MAP3K14: variants seen among roughly 807,000 people sequenced by gnomAD.
MAP3K14 encodes mitogen-activated protein kinase kinase kinase 14.
A neutral mutation model predicts 99.2 loss-of-function variants in MAP3K14; 16 were observed. The observed-to-expected ratio is 0.16, with a 90% CI of 0.11 to 0.24. The LOEUF (loss-of-function observed/expected upper bound fraction) is 0.24, where lower values mean the gene tolerates loss of function less well. Among genes scored for constraint, MAP3K14 ranks in the 10% least tolerant of loss-of-function variants. The pLI, the probability that MAP3K14 is intolerant of heterozygous loss-of-function variation, is 1.00. For missense variants in MAP3K14, 784 were observed against 1,208.7 expected (o/e 0.65, Z 5.21); for synonymous variants, 462 against 492.4 (o/e 0.94, Z 0.82).
intron 6 of MAP3K14, among the ~76,000 whole-genome samples, chr17:45,282,417 T>A (rs1215212119): frequency 6.6e-6 from 1 of 151,008 alleles, no homozygotes; most frequent in African/African-American, 2.4e-5. Context: ...TAGCTGGGTG[T>A]GGTGGTGCGT....
In MAP3K14 at chr17:45,290,421, C is replaced by T. The variant is rs1029299731; in HGVS notation, c.256+69G>A. On this transcript the variant is annotated intron_variant, in intron 2 of 15. Coordinates refer to ENST00000344686, the MANE Select transcript of MAP3K14 (RefSeq NM_003954.5). ...AGACCTCTCTCCTCCATAGGGAACC[C>T]CTGGGCCCAGCTACCCACCTGCAGG... 4.4e-6 allele frequency: 7 copies of T among 1,587,390 alleles called. No individual in the cohort carries two copies. In the African/African-American group the frequency reaches 9.4e-5, roughly 21 times the overall value.
chr17:45,316,920 C>G (rs1358587831), intron 1 of MAP3K14, 40 bp downstream of exon 1: 1 of 152,056 alleles, frequency 6.6e-6, no homozygotes, highest in Non-Finnish European at 1.5e-5. Context: ...GCTCCCTGGT[C>G]GCCTCGCACC....
intron 3 of MAP3K14, among the ~76,000 whole-genome samples, chr17:45,288,410 A>T (rs1598256770): frequency 7.8e-6 from 1 of 128,024 alleles, no homozygotes. Flanking sequence ...ACAGAATCTT[A>T]CTCTGTCACC....
intron 6 of MAP3K14, among the ~76,000 whole-genome samples, chr17:45,279,876 C>T (rs563022558): frequency 2.0e-5 from 3 of 152,200 alleles, no homozygotes; most frequent in African/African-American, 4.8e-5. Context: ...TAGAGGGTCC[C>T]GCCTTATTTT....
At position 45,286,086 on chromosome 17, in the gene MAP3K14, G is replaced by A. The variant is rs2044262278; in HGVS notation, c.1152+345C>T. Among the ~76,000 whole-genome samples the A allele has an allele frequency of 6.6e-6, 1 of 151,590 alleles. No homozygotes were observed. Among genetic ancestry groups the A allele is most frequent in the Non-Finnish European group, 1.5e-5 (1 of 67,874 alleles). On this transcript the variant is annotated intron_variant, in intron 5 of 15. Transcript: ENST00000344686. The surrounding 1 kb of genome is among the most constrained non-coding windows in gnomAD (Gnocchi z 4.1). ...ACAAGAGGAAAAAGGGAAGGAGGTGGGTGGTGAAAACAGGTCCCATCCTCA... is the reference window on the plus strand; with the variant it reads ...ACAAGAGGAAAAAGGGAAGGAGGTGAGTGGTGAAAACAGGTCCCATCCTCA...
At chr17:45,283,303 G>C (rs1267223364) in intron 6 of MAP3K14, among the ~76,000 whole-genome samples, 1 of 152,218 alleles carries the variant, frequency 6.6e-6, no homozygotes, top group Non-Finnish European at 1.5e-5. Context: ...GGTCAGGCAC[G>C]TGGCCTTGGC....
At chr17:45,273,344 C>T (rs377241069) in intron 9 of MAP3K14, among the ~76,000 whole-genome samples, 159 bp downstream of exon 9, 4 of 152,204 alleles carry the variant, frequency 2.6e-5, no homozygotes, top group East Asian at 1.9e-4. Flanking sequence ...CACATTTACG[C>T]GTAACAAAGA....
At chr17:45,308,756 C>T (rs1210559073) in intron 1 of MAP3K14, among the ~76,000 whole-genome samples, 1 of 151,970 alleles carries the variant, frequency 6.6e-6, no homozygotes, top group African/African-American at 2.4e-5. Context: ...CAACCTCTGC[C>T]TCCCAGGTTC....
intron 6 of MAP3K14, among the ~76,000 whole-genome samples, chr17:45,283,026 G>A (rs1187336369): frequency 2.0e-5 from 3 of 152,232 alleles, no homozygotes; most frequent in Admixed American, 1.3e-4. Context: ...CATGCCTTGT[G>A]CTTGGAGCTT....
Position 45,263,636 on chromosome 17 carries a change from A to G in MAP3K14, c.*1000T>C, listed in dbSNP as rs2044038817. The G allele has an allele frequency of 6.5e-6, 1 of 152,760 alleles. No individual in the cohort carries two copies. Among genetic ancestry groups the G allele is most frequent in the Non-Finnish European group, 1.5e-5 (1 of 68,096 alleles). The allele number at this position is 152,760 out of a possible 1,614,324, so 9.5% of individuals were successfully genotyped here. On this transcript the variant is annotated 3_prime_UTR_variant, in exon 16 of 16. Transcript: ENST00000344686. The stretch of plus-strand genomic sequence containing the variant: ...CATCAGAGTGCAAAGTGCCGTCGGC[A>G]GTACCCTCTGGCCAGGGGCAGGGCA...
intron 7 of MAP3K14, 82 bp from the exon 8 acceptor site, chr17:45,274,336 T>C: frequency 2.5e-6 from 4 of 1,571,536 alleles, no homozygotes; most frequent in Non-Finnish European, 3.5e-6. Flanking sequence ...GGGCAGGCAG[T>C]GGAAAGCAGG....
At chr17:45,283,314 C>T (rs1192306974) in intron 6 of MAP3K14, among the ~76,000 whole-genome samples, 1 of 152,180 alleles carries the variant, frequency 6.6e-6, no homozygotes, top group Non-Finnish European at 1.5e-5. Flanking sequence ...TGGCCTTGGC[C>T]TCCCCCAGTG....
Position 45,264,406 on chromosome 17 carries a change from T to A in MAP3K14, c.*230A>T. Reference sequence around the variant, plus strand: ...AGGTAACTCCTGCCATCCTCCTCTGTCTCTTCACGTGGCGGAGTGTTTTCT... The same window carrying A: ...AGGTAACTCCTGCCATCCTCCTCTGACTCTTCACGTGGCGGAGTGTTTTCT... On this transcript the variant is annotated 3_prime_UTR_variant, in exon 16 of 16. Coordinates refer to ENST00000344686, the MANE Select transcript of MAP3K14 (RefSeq NM_003954.5). 1 of 534,584 alleles carries A rather than the reference T, an allele frequency of 1.9e-6. No individual in the cohort carries two copies. Among genetic ancestry groups the A allele is most frequent in the Non-Finnish European group, 3.3e-6 (1 of 300,792 alleles). 33.1% of individuals were successfully genotyped at this position (534,584 alleles called of 1,614,324 possible). A position where few individuals can be genotyped will look rare whatever the true frequency, so the allele number is the denominator to read the frequency against.
intron 14 of MAP3K14, among the ~76,000 whole-genome samples, chr17:45,265,533 G>T (rs1001327230): frequency 2.6e-5 from 4 of 152,210 alleles, no homozygotes; most frequent in African/African-American, 9.7e-5. Context: ...TACCTCCCGG[G>T]TTCAAGTGAT....
chr17:45,292,514 T>C (rs1412339397), intron 1 of MAP3K14, among the ~76,000 whole-genome samples: 1 of 152,054 alleles, frequency 6.6e-6, no homozygotes, highest in Non-Finnish European at 1.5e-5. Flanking sequence ...TGAGCTGAGA[T>C]TGCACCATTG....
At chr17:45,304,490 T>C (rs1266244911) in intron 1 of MAP3K14, among the ~76,000 whole-genome samples, 1 of 152,244 alleles carries the variant, frequency 6.6e-6, no homozygotes, top group Non-Finnish European at 1.5e-5. Context: ...TTGGAATTTC[T>C]GGGTGACTCT....
chr17:45,315,666 T>A (rs1004340730), intron 1 of MAP3K14, among the ~76,000 whole-genome samples: 1 of 152,168 alleles, frequency 6.6e-6, no homozygotes, highest in African/African-American at 2.4e-5. Flanking sequence ...CCTTTCTGCA[T>A]CTCAGTTCTA....
chr17:45,284,813 T>C lies in MAP3K14; in HGVS notation c.1289A>G (p.Lys430Arg). The C allele has an allele frequency of 1.3e-6, 2 of 1,593,810 alleles. No homozygotes were observed. The highest frequency in any genetic ancestry group is 1.7e-6 in the Non-Finnish European group (2 of 1,170,594). ...KQTGFQCAVK[K>R]VRLEVFRAEE... ...CTCAGCCCCTGAGCCCTGGCGTACCTTTTTGACAGCGCACTGGAAGCCAGT... is the reference window on the plus strand; with the variant it reads ...CTCAGCCCCTGAGCCCTGGCGTACCCTTTTGACAGCGCACTGGAAGCCAGT... The change falls in exon 6 of 16, where the codon AAG becomes AGG. Residue 430 changes from lysine (K) to arginine (R), a missense_variant and splice_region_variant. Physicochemically the swap from Lys to Arg is conservative, Grantham distance 26 (BLOSUM62 2). Transcript: ENST00000344686.
At chr17:45,298,890 G>A (rs1055327661) in intron 1 of MAP3K14, among the ~76,000 whole-genome samples, 17 of 152,198 alleles carry the variant, frequency 1.1e-4, no homozygotes, top group African/African-American at 4.1e-4. Flanking sequence ...CAGATGTGAC[G>A]GGAACACAGA....
Sources: allele counts gnomAD v4.1 joint callset (sites outside exome capture counted in the v4.1 genomes callset), GRCh38; gene constraint gnomAD v4.1.1; non-coding constraint Gnocchi (gnomAD v3.1); transcripts MANE v1.5; gene names NCBI Gene and HGNC (gene_info 2026-07-23, HGNC 2026-07-21).